Variants in AP3S2 observed in about 807,000 individuals in gnomAD.
AP3S2 encodes adaptor related protein complex 3 subunit sigma 2.
In AP3S2, 22 loss-of-function variants were observed where a neutral mutation model predicts 23.4. The observed-to-expected ratio is 0.94, with a 90% CI of 0.67 to 1.34. AP3S2 has a LOEUF of 1.34. Ranked by LOEUF, AP3S2 falls within the 40% of genes most tolerant of loss-of-function variation. AP3S2 has a pLI of 0.00. For synonymous variants in AP3S2, 86 were observed against 87.1 expected, an observed-to-expected ratio of 0.99 and a Z score of 0.07; for missense variants, 241 against 236.9, an observed-to-expected ratio of 1.02 and a Z score of -0.11.
intron 3 of AP3S2, among the ~76,000 whole-genome samples, chr15:89,872,863 G>C (rs993505407): frequency 6.6e-6 from 1 of 152,198 alleles, no homozygotes; most frequent in Non-Finnish European, 1.5e-5. Flanking sequence ...AGAGCATTTA[G>C]ATTCCTTTCT....
intron 4 of AP3S2, among the ~76,000 whole-genome samples, chr15:89,870,453 G>C (rs1415733918): frequency 6.6e-6 from 1 of 152,158 alleles, no homozygotes; most frequent in Non-Finnish European, 1.5e-5. Flanking sequence ...GAGTCACAGA[G>C]CCATGTCAGA....
chr15:89,877,577 G>A (rs1418868042), intron 3 of AP3S2, among the ~76,000 whole-genome samples: 3 of 152,084 alleles, frequency 2.0e-5, no homozygotes, highest in South Asian at 2.1e-4. Context: ...GGCCGGGCGC[G>A]GTGGCTCATG....
chr15:89,850,962 G>C (rs1895636894), intron 4 of AP3S2, among the ~76,000 whole-genome samples: 1 of 152,032 alleles, frequency 6.6e-6, no homozygotes, highest in Non-Finnish European at 1.5e-5. Flanking sequence ...CAATCCTTCT[G>C]TTTCAACCTC....
intron 4 of AP3S2, among the ~76,000 whole-genome samples, chr15:89,846,483 C>T (rs985738570): frequency 1.3e-5 from 2 of 152,080 alleles, no homozygotes; most frequent in Non-Finnish European, 2.9e-5. Context: ...TTAACCTCCC[C>T]AGTAGCTGGG....
intron 3 of AP3S2, among the ~76,000 whole-genome samples, chr15:89,879,747 A>G (rs1244454383): frequency 6.6e-6 from 1 of 152,120 alleles, no homozygotes; most frequent in East Asian, 1.9e-4. Context: ...CTGGGACTAC[A>G]GGCACCTGTC....
chr15:89,846,514 A>G (rs1895493561), intron 4 of AP3S2, among the ~76,000 whole-genome samples: 1 of 151,272 alleles, frequency 6.6e-6, no homozygotes, highest in African/African-American at 2.4e-5. Flanking sequence ...ACATGCCACC[A>G]CACCCGGCTA....
intron 4 of AP3S2, chr15:89,845,461 G>C (rs2141843633): frequency 6.6e-6 from 1 of 152,342 alleles, no homozygotes; most frequent in South Asian, 2.1e-4. Flanking sequence ...TCTGATTGGA[G>C]ATAGATGGGA....
intron 4 of AP3S2, among the ~76,000 whole-genome samples, chr15:89,839,210 G>A (rs1166773971): frequency 6.6e-6 from 1 of 152,192 alleles, no homozygotes; most frequent in East Asian, 1.9e-4. Flanking sequence ...AGAAAGATGT[G>A]TCTGCATATC....
In AP3S2 at chr15:89,888,652, T is replaced by C. The variant is rs1420603127; in HGVS notation, c.162-20A>G. 6.2e-7 allele frequency: 1 copy of C among 1,606,876 alleles called. No individual in the cohort carries two copies. Among genetic ancestry groups the C allele is most frequent in the East Asian group, 2.2e-5 (1 of 44,852 alleles). ...ATCAAACTGCAGAAGATGGGAAACA[T>C]TTAAATGCCCACAGCTTAATTAAAC... On this transcript the variant is annotated intron_variant, in intron 2 of 5. Transcript: ENST00000336418.
At chr15:89,893,643 T>C in intron 1 of AP3S2, 1 of 491,022 alleles carries the variant, frequency 2.0e-6, no homozygotes, top group Non-Finnish European at 3.6e-6. Flanking sequence ...TGTCACAAAA[T>C]GGCACAGAAA....
intron 3 of AP3S2, among the ~76,000 whole-genome samples, chr15:89,877,721 AGAGGTG>A (rs1367653957): frequency 6.6e-6 from 1 of 152,010 alleles, no homozygotes; most frequent in Non-Finnish European, 1.5e-5. Flanking sequence ...CTTGAACCTG[AGAGGTG>A]GAGGTCACGG....
intron 4 of AP3S2, among the ~76,000 whole-genome samples, chr15:89,861,599 TTACCCC>T (rs1433383649): frequency 1.3e-5 from 2 of 152,068 alleles, no homozygotes; most frequent in African/African-American, 4.8e-5. Context: ...GAGCTGATGG[TTACCCC>T]AGAGACTATG....
chr15:89,871,366 A>C (rs1182586560), intron 4 of AP3S2, 109 bp downstream of exon 4: 2 of 991,220 alleles, frequency 2.0e-6, no homozygotes, highest in Admixed American at 2.8e-5. Flanking sequence ...CTATCTTAAG[A>C]GTAAAAAAAA....
chr15:89,888,477 G>A, intron 3 of AP3S2, 44 bp downstream of exon 3: 1 of 1,597,484 alleles, frequency 6.3e-7, no homozygotes, highest in Non-Finnish European at 8.6e-7. Flanking sequence ...AAATCCCGTG[G>A]AAACTCTCTA....
At chr15:89,867,591 A>C (rs371441112) in intron 4 of AP3S2, among the ~76,000 whole-genome samples, 2 of 109,548 alleles carry the variant, frequency 1.8e-5, no homozygotes, top group Admixed American at 8.9e-5. Flanking sequence ...AGCCGCCATC[A>C]CATCTAGGAA....
chr15:89,878,399 A>T, intron 3 of AP3S2: 1 of 529,306 alleles, frequency 1.9e-6, no homozygotes, highest in Non-Finnish European at 3.3e-6. Context: ...TCTAACTTAC[A>T]AACAAACAAA....
chr15:89,890,368 C>T (rs1441526109), intron 1 of AP3S2, among the ~76,000 whole-genome samples: 1 of 152,126 alleles, frequency 6.6e-6, no homozygotes, highest in Non-Finnish European at 1.5e-5. Context: ...TCACTTACTA[C>T]GTGCATAAGA....
chr15:89,865,445 A>C (rs760223911), intron 4 of AP3S2: 1 of 152,180 alleles, frequency 6.6e-6, no homozygotes, highest in Non-Finnish European at 1.5e-5. Flanking sequence ...TGATTACCAC[A>C]CTGAGAATAT....
chr15:89,879,961 A>AT lies in AP3S2; in HGVS notation c.274-8416dup, dbSNP rs34697679. ...GGCATTATAAATTAACATACTCTTC[A>AT]TTTTTTTTTTTTTTTTGAGATGGAG... On this transcript the variant is annotated intron_variant, in intron 3 of 5. Coordinates refer to ENST00000336418, the MANE Select transcript of AP3S2 (RefSeq NM_005829.5). Among the ~76,000 whole-genome samples the AT allele has an allele frequency of 3.5e-3, 467 of 134,238 alleles. 3 individuals are homozygous for AT. The highest frequency in any genetic ancestry group is 0.02 in the South Asian group (81 of 4,112). The allele number at this position is 134,238 out of a possible 152,430, so 88.1% of individuals were successfully genotyped here. A position where few individuals can be genotyped will look rare whatever the true frequency, so the allele number is the denominator to read the frequency against.
Sources: gnomAD v4.1 joint callset for allele counts (sites outside exome capture counted in the v4.1 genomes callset) on GRCh38, gnomAD v4.1.1 for gene constraint, MANE v1.5 for transcripts, NCBI Gene and HGNC (gene_info 2026-07-23, HGNC 2026-07-21) for gene names.